RPP40: variants seen among roughly 807,000 people sequenced by gnomAD.
RPP40 encodes ribonuclease P protein subunit p40.
A neutral mutation model predicts 42.5 loss-of-function variants in RPP40; 30 were observed. The ratio of observed to expected loss-of-function variants is 0.71; its 90% CI spans 0.53 to 0.96. The LOEUF is 0.96. Among genes scored for constraint, RPP40 ranks in the 40% least tolerant of loss-of-function variants. The probability of loss-of-function intolerance (pLI) is 0.00; values close to 1 mark genes in which losing one functional copy is unlikely to be tolerated. For synonymous variants in RPP40, 173 were observed against 164.0 expected (o/e 1.05, Z -0.42); for missense variants, 426 against 433.5 (o/e 0.98, Z 0.15).
chr6:5,001,950 T>G, intron 2 of RPP40, 151 bp downstream of exon 2: 67 of 646,692 alleles, frequency 1.0e-4, no homozygotes, highest in East Asian at 2.2e-4. Flanking sequence ...AAGAACAGGA[T>G]GAGAATGCGG....
At chr6:5,001,613 T>A (rs953986206) in intron 2 of RPP40, among the ~76,000 whole-genome samples, 1 of 152,182 alleles carries the variant, frequency 6.6e-6, no homozygotes. Flanking sequence ...CCAGCAGATA[T>A]GGGTGGAAAT....
downstream of RPP40, among the ~76,000 whole-genome samples, chr6:4,990,543 G>T (rs997874416): frequency 6.6e-6 from 1 of 152,154 alleles, no homozygotes; most frequent in East Asian, 1.9e-4. Flanking sequence ...GAGTGCAGTG[G>T]TGTGATCATT....
chr6:5,000,722 C>A, intron 2 of RPP40, 91 bp from the exon 3 acceptor site: 1 of 854,056 alleles, frequency 1.2e-6, no homozygotes, highest in South Asian at 1.4e-5. Context: ...ACCAGTCTTC[C>A]GGGTCATTAA....
chr6:5,000,489 A>C (rs1174162316), intron 3 of RPP40, 74 bp downstream of exon 3: 3 of 757,322 alleles, frequency 4.0e-6, no homozygotes, highest in Non-Finnish European at 5.8e-6. Flanking sequence ...TGCCCAGCTG[A>C]CTTTTTTTTT....
chr6:5,000,279 C>G (rs1759509643), intron 3 of RPP40, among the ~76,000 whole-genome samples: 4 of 152,116 alleles, frequency 2.6e-5, no homozygotes, highest in Admixed American at 2.0e-4. Flanking sequence ...CCTCCGCCTC[C>G]CAGGTTCAAA....
In RPP40 at chr6:5,003,989, C is replaced by T. The variant is rs1759678854; in HGVS notation, c.14G>A (p.Arg5His). The change falls in exon 1 of 8, where the codon CGC becomes CAC. Residue 5 changes from arginine (R) to histidine (H), a missense_variant. Physicochemically the swap from Arg to His is conservative, Grantham distance 29. Coordinates refer to ENST00000380051, the MANE Select transcript of RPP40 (RefSeq NM_006638.4). MATL[R>H]RLREAPRHLL... ...GTGCCGCGGCGCCTCCCGAAGCCGG[C>T]GCAGCGTGGCCATGCTCTCCTGGGT... 1.9e-6 allele frequency: 3 copies of T among 1,609,914 alleles called. No homozygotes were observed. Among genetic ancestry groups the T allele is most frequent in the Non-Finnish European group, 2.5e-6 (3 of 1,178,518 alleles).
At position 4,996,391 on chromosome 6, in the gene RPP40, AAT is replaced by A; in HGVS notation, c.587_588del (p.Tyr196PhefsTer54). On this transcript the variant is annotated frameshift_variant, in exon 6 of 8. Transcript: ENST00000380051. LOFTEE classifies it high-confidence loss of function. The stretch of plus-strand genomic sequence containing the variant: ...TGCTCCTGAATTTGGTACTTGGAAA[AAT>A]ATGACATCATTGTCGATTCTTCTGA... Reference protein sequence around the residue: ...TGSEESTMMSYFSKYQIQEHQ... With the variant: ...TGSEESTMMSXFSKYQIQEHQ... 1 of 1,613,702 alleles carries A rather than the reference AAT, an allele frequency of 6.2e-7. No individual in the cohort carries two copies. Among genetic ancestry groups the A allele is most frequent in the Non-Finnish European group, 8.5e-7 (1 of 1,180,048 alleles).
chr6:5,002,395 T>G, intron 1 of RPP40, 150 bp from the exon 2 acceptor site: 1 of 655,152 alleles, frequency 1.5e-6, no homozygotes, highest in Admixed American at 3.1e-5. Flanking sequence ...TTATGTTAAC[T>G]TACCTATCTC....
In RPP40 at chr6:5,000,558, G is replaced by C; in HGVS notation, c.337+5C>G. On this transcript the variant is annotated splice_donor_5th_base_variant and intron_variant, in intron 3 of 7. Transcript: ENST00000380051. ...TTAAAGAAAGATGAAAAAATAAAGT[G>C]TTACCATTTGGTAGCAGGGCAACAG... 7.8e-7 allele frequency: 1 copy of C among 1,288,846 alleles called. No homozygotes were observed. The highest frequency in any genetic ancestry group is 1.1e-6 in the Non-Finnish European group (1 of 903,344). The allele number at this position is 1,288,846 out of a possible 1,614,324, so 79.8% of individuals were successfully genotyped here. A position where few individuals can be genotyped will look rare whatever the true frequency, so the allele number is the denominator to read the frequency against.
rs1759330287 is a variant in RPP40 at position 4,995,134 on chromosome 6, T to A, written c.1036A>T (p.Asn346Tyr). Residue 346 changes from asparagine (N) to tyrosine (Y), a missense_variant, in exon 8 of 8, where the codon AAT becomes TAT. Coordinates refer to ENST00000380051, the MANE Select transcript of RPP40 (RefSeq NM_006638.4). ...EHLYNFVIFN[N>Y]QDYWLQMAVG... Reference sequence around the variant, plus strand: ...GCCATCTGAAGCCAATAGTCCTGATTATTAAAAATCACAAAGTTATATAAA... The same window carrying A: ...GCCATCTGAAGCCAATAGTCCTGATAATTAAAAATCACAAAGTTATATAAA... 2 of 1,614,176 alleles carry A rather than the reference T, an allele frequency of 1.2e-6. No homozygotes were observed. Among genetic ancestry groups the A allele is most frequent in the Non-Finnish European group, 1.7e-6 (2 of 1,179,982 alleles).
intron 6 of RPP40, 53 bp from the exon 7 acceptor site, chr6:4,996,138 T>C: frequency 6.2e-7 from 1 of 1,609,102 alleles, no homozygotes; most frequent in Non-Finnish European, 8.5e-7. Flanking sequence ...ATCCATCACA[T>C]GATCACTTCC....
intron 1 of RPP40, 114 bp downstream of exon 1, chr6:5,003,766 G>T: frequency 1.5e-6 from 2 of 1,354,778 alleles, no homozygotes; most frequent in East Asian, 2.6e-5. Flanking sequence ...CGAGGGCCCC[G>T]CCCCTCCGCG....
downstream of RPP40, among the ~76,000 whole-genome samples, chr6:4,993,647 T>C (rs1759291794): frequency 6.6e-6 from 1 of 152,190 alleles, no homozygotes; most frequent in Non-Finnish European, 1.5e-5. Flanking sequence ...AATCCTGTTA[T>C]CACTTGAAAT....
Position 4,994,728 on chromosome 6 carries a change from T to TTTC in RPP40, c.*347_*349dup, listed in dbSNP as rs200279158. ...GGGACTGGCCCTGGTAAGGATGAGA[T>TTTC]TTCTTTTTATTATCTGAAAAAGTTG... On this transcript the variant is annotated 3_prime_UTR_variant, in exon 8 of 8. Coordinates refer to ENST00000380051, the MANE Select transcript of RPP40 (RefSeq NM_006638.4). 853 of 212,348 alleles carry TTTC rather than the reference T, an allele frequency of 4.0e-3. 9 individuals carry two copies. Among genetic ancestry groups the TTTC allele is most frequent in the African/African-American group, 0.018 (809 of 43,770 alleles). The allele number at this position is 212,348 out of a possible 1,614,324, so 13.2% of individuals were successfully genotyped here.
In RPP40 at chr6:4,995,250, GCTAA is replaced by G. The variant is rs1759337375; in HGVS notation, c.916_919del (p.Ala307HisfsTer35). 6.2e-7 allele frequency: 1 copy of G among 1,613,592 alleles called. No individual in the cohort carries two copies. The highest frequency in any genetic ancestry group is 1.3e-5 in the African/African-American group (1 of 74,896). On this transcript the variant is annotated frameshift_variant, in exon 8 of 8. Transcript: ENST00000380051. LOFTEE classifies it high-confidence loss of function. ...TTGAACGGACAGTGTAACCCATGGA[GCTAA>G]CTTCGGTTCATCAAAGTAGTGACTG...
At position 4,996,423 on chromosome 6, in the gene RPP40, T is replaced by C. The variant is rs1204012176; in HGVS notation, c.560-3A>G. Reference sequence around the variant, plus strand: ...CATCATTGTCGATTCTTCTGAACCTTAAAAACACACCACACAAGGCCATTT... The same window carrying C: ...CATCATTGTCGATTCTTCTGAACCTCAAAAACACACCACACAAGGCCATTT... On this transcript the variant is annotated splice_region_variant and splice_polypyrimidine_tract_variant and intron_variant, in intron 5 of 7. Coordinates refer to ENST00000380051, the MANE Select transcript of RPP40 (RefSeq NM_006638.4). The C allele has an allele frequency of 6.2e-7, 1 of 1,612,272 alleles. No individual in the cohort carries two copies. Among genetic ancestry groups the C allele is most frequent in the South Asian group, 1.1e-5 (1 of 90,994 alleles).
rs1759672195 is a variant in RPP40 at position 5,003,895 on chromosome 6, G to A, written c.108C>T (p.His36=). ...CCGGACTCACCCTGTAGTTATAGTA[G>A]TGCGTCTGCACAAGATGCCGGTGGC... ...KSRHRHLVQT[H]YYNYRVSFLI... Residue 36 remains histidine, a synonymous_variant, in exon 1 of 8, where the codon CAC becomes CAT. Coordinates refer to ENST00000380051, the MANE Select transcript of RPP40 (RefSeq NM_006638.4). 1.2e-6 allele frequency: 2 copies of A among 1,613,588 alleles called. No homozygotes were observed. The highest frequency in any genetic ancestry group is 1.7e-6 in the Non-Finnish European group (2 of 1,179,620).
At chr6:5,003,717 T>C in intron 1 of RPP40, 163 bp downstream of exon 1, 1 of 866,580 alleles carries the variant, frequency 1.2e-6, no homozygotes, top group East Asian at 2.9e-5. Context: ...AGCCACTGGC[T>C]TAGAGCAGTT....
intron 6 of RPP40, 51 bp from the exon 7 acceptor site, chr6:4,996,136 C>T (rs1300630562): frequency 6.2e-7 from 1 of 1,609,000 alleles, no homozygotes; most frequent in Non-Finnish European, 8.5e-7. Flanking sequence ...ATATCCATCA[C>T]ATGATCACTT....
Sources: allele counts gnomAD v4.1 joint callset (sites outside exome capture counted in the v4.1 genomes callset), GRCh38; gene constraint gnomAD v4.1.1; transcripts MANE v1.5; gene names NCBI Gene and HGNC (gene_info 2026-07-23, HGNC 2026-07-21).